The following SLC30A8 variants were observed in gnomAD, a reference collection of about 807,000 sequenced individuals.
The protein encoded by SLC30A8 is solute carrier family 30 member 8, also known as proton-coupled zinc antiporter SLC30A8.
A neutral mutation model predicts 36.9 loss-of-function variants in SLC30A8; 27 were observed. The ratio of observed to expected loss-of-function variants is 0.73; its 90% CI spans 0.54 to 1.01. The LOEUF (loss-of-function observed/expected upper bound fraction) is 1.01, where lower values mean the gene tolerates loss of function less well. SLC30A8 is among the 50% of genes least tolerant of loss of function. The pLI is 0.00. For synonymous variants in SLC30A8, 164 were observed against 172.4 expected, an observed-to-expected ratio of 0.95 and a Z score of 0.38; for missense variants, 439 against 452.0, an observed-to-expected ratio of 0.97 and a Z score of 0.26.
At chr8:117,088,370 C>A (rs930594745) in intron 2 of SLC30A8, among the ~76,000 whole-genome samples, 1 of 152,054 alleles carries the variant, frequency 6.6e-6, no homozygotes, top group Non-Finnish European at 1.5e-5. Flanking sequence ...CCCAGGTTTC[C>A]CCCCTTATTC....
rs537138267 is a variant in SLC30A8, at chr8:116,976,156, T to A, written c.-266+25037T>A. On this transcript the variant is annotated intron_variant, in intron 1 of 10. Coordinates refer to the SLC30A8 transcript ENST00000427715. ...CAATATGGTGAAATCCCATCTCTAC[T>A]TAAAATACAAAAATTAGCCAGGTGT... Among the ~76,000 whole-genome samples the A allele has an allele frequency of 1.3e-4, 20 of 152,008 alleles. No homozygotes were observed. The South Asian group carries it at 4.0e-3, about 30-fold the overall frequency.
intron 1 of SLC30A8, among the ~76,000 whole-genome samples, chr8:116,954,187 T>C (rs1442647835): frequency 6.6e-6 from 1 of 152,164 alleles, no homozygotes; most frequent in Non-Finnish European, 1.5e-5. Context: ...TAGATGGTAA[T>C]ATCATTTATG....
chr8:117,046,801 C>T (rs1326915074), intron 2 of SLC30A8, among the ~76,000 whole-genome samples: 1 of 152,244 alleles, frequency 6.6e-6, no homozygotes, highest in Non-Finnish European at 1.5e-5. Flanking sequence ...GATTTCCTGC[C>T]TGCTCATAAA....
intron 2 of SLC30A8, among the ~76,000 whole-genome samples, chr8:117,098,677 T>A (rs533534494): frequency 6.6e-6 from 1 of 152,130 alleles, no homozygotes; most frequent in South Asian, 2.1e-4. Flanking sequence ...AAACAGACTG[T>A]TTGGGATGGG....
intron 1 of SLC30A8, among the ~76,000 whole-genome samples, chr8:116,990,637 G>A (rs986479204): frequency 6.6e-6 from 1 of 152,126 alleles, no homozygotes; most frequent in Non-Finnish European, 1.5e-5. Flanking sequence ...ATGCAATGTG[G>A]TGTCTCGGAA....
At chr8:116,976,798 T>TTTTCTTTCTTTC (rs142957728) in intron 1 of SLC30A8, among the ~76,000 whole-genome samples, 1 of 125,522 alleles carries the variant, frequency 8.0e-6, no homozygotes, top group African/African-American at 3.3e-5. Flanking sequence ...CCCCTTTTAT[T>TTTTCTTTCTTTC]TTTCTTTCTT....
intron 2 of SLC30A8, among the ~76,000 whole-genome samples, chr8:117,121,350 CT>C (rs1820687103): frequency 6.6e-6 from 1 of 151,878 alleles, no homozygotes; most frequent in Non-Finnish European, 1.5e-5. Flanking sequence ...TCCATTCAGA[CT>C]AATATAACAA....
intron 6 of SLC30A8, among the ~76,000 whole-genome samples, chr8:117,167,488 T>G (rs549295865): frequency 6.8e-6 from 1 of 148,076 alleles, no homozygotes; most frequent in East Asian, 2.0e-4. Context: ...TGCATATATA[T>G]ATATACATAC....
chr8:117,001,068 C>A (rs900637943), intron 1 of SLC30A8, among the ~76,000 whole-genome samples: 3 of 151,984 alleles, frequency 2.0e-5, no homozygotes, highest in African/African-American at 7.3e-5. Flanking sequence ...CCTTACCTTC[C>A]GTGTATCAGG....
At position 117,147,470 on chromosome 8, in the gene SLC30A8, C is replaced by A. The variant is rs73702970; in HGVS notation, c.271+317C>A. On this transcript the variant is annotated intron_variant, in intron 2 of 7. Transcript: ENST00000456015. ...GCTTTTGACCATACTGTCAAATACTCCTCAAAAACATTTTTATGCCTGAAC... is the reference window on the plus strand; with the variant it reads ...GCTTTTGACCATACTGTCAAATACTACTCAAAAACATTTTTATGCCTGAAC... 4.0e-3 allele frequency: 940 copies of A among 237,454 alleles called. 9 individuals carry two copies. Among genetic ancestry groups the A allele is most frequent in the African/African-American group, 0.02 (877 of 44,758 alleles). 14.7% of individuals were successfully genotyped at this position (237,454 alleles called of 1,614,324 possible). A position where few individuals can be genotyped will look rare whatever the true frequency, so the allele number is the denominator to read the frequency against.
At chr8:116,996,407 T>A (rs1439695020) in intron 1 of SLC30A8, among the ~76,000 whole-genome samples, 1 of 152,234 alleles carries the variant, frequency 6.6e-6, no homozygotes, top group African/African-American at 2.4e-5. Context: ...ATTTATGGTG[T>A]ACAACATGTT....
At chr8:116,965,413 A>T (rs1219555704) in intron 1 of SLC30A8, among the ~76,000 whole-genome samples, 1 of 152,260 alleles carries the variant, frequency 6.6e-6, no homozygotes, top group Non-Finnish European at 1.5e-5. Context: ...AACAAGAAAC[A>T]TTAAAAATTA....
chr8:116,980,753 A>T (rs1253636396), intron 1 of SLC30A8, among the ~76,000 whole-genome samples: 1 of 152,306 alleles, frequency 6.6e-6, no homozygotes, highest in East Asian at 1.9e-4. Flanking sequence ...TCGAAAGGCA[A>T]CTACCATCAC....
At position 117,168,119 on chromosome 8, in the gene SLC30A8, C is replaced by T. The variant is rs548585904; in HGVS notation, c.830-2915C>T. ...TCAATTATCTTCACCTGGCCCCCAC[C>T]CTTGACACGTGGGGATCATTACAAT... On this transcript the variant is annotated intron_variant, in intron 6 of 7. Coordinates refer to ENST00000456015, the MANE Select transcript of SLC30A8 (RefSeq NM_173851.3). 1.7e-3 allele frequency among the ~76,000 whole-genome samples: 261 copies of T among 152,208 alleles called. 2 individuals are homozygous for T. The highest frequency in any genetic ancestry group is 5.8e-3 in the African/African-American group (242 of 41,524).
At chr8:117,062,585 G>A (rs1818053579) in intron 2 of SLC30A8, among the ~76,000 whole-genome samples, 1 of 152,142 alleles carries the variant, frequency 6.6e-6, no homozygotes, top group African/African-American at 2.4e-5. Context: ...CAAATATTGG[G>A]GATTACAATT....
Position 116,982,810 on chromosome 8 carries a change from AAATT to A in SLC30A8, c.-266+31696_-266+31699del, listed in dbSNP as rs1461033081. Among the ~76,000 whole-genome samples the A allele has an allele frequency of 7.9e-5, 12 of 152,280 alleles. No individual in the cohort carries two copies. The East Asian group carries it at 1.9e-3, about 25-fold the overall frequency. On this transcript the variant is annotated intron_variant, in intron 1 of 10. Coordinates refer to the SLC30A8 transcript ENST00000427715. ...AAGGGGCACATATATTTTTTTAAAA[AAATT>A]AATTCATGCTCCCTGGAGAACCTGC...
At chr8:117,009,170 G>A (rs945516233) in intron 1 of SLC30A8, among the ~76,000 whole-genome samples, 5 of 152,092 alleles carry the variant, frequency 3.3e-5, no homozygotes, top group Non-Finnish European at 4.4e-5. Flanking sequence ...GCTGGACTTC[G>A]ATGGCTTAAA....
intron 2 of SLC30A8, among the ~76,000 whole-genome samples, chr8:117,125,080 T>C (rs1820846791): frequency 6.6e-6 from 1 of 152,038 alleles, no homozygotes; most frequent in East Asian, 1.9e-4. Flanking sequence ...TTTGGGAAAA[T>C]AATTTGATAT....
chr8:117,027,594 G>C (rs1222578378), intron 1 of SLC30A8, among the ~76,000 whole-genome samples: 3 of 152,126 alleles, frequency 2.0e-5, no homozygotes, highest in Non-Finnish European at 4.4e-5. Context: ...GTAAATTGGT[G>C]TTAAATGAAG....
Sources: gnomAD v4.1 joint callset for allele counts (sites outside exome capture counted in the v4.1 genomes callset) on GRCh38, gnomAD v4.1.1 for gene constraint, MANE v1.5 for transcripts, NCBI Gene and HGNC (gene_info 2026-07-23, HGNC 2026-07-21) for gene names.